The following ATP9B variants were observed in gnomAD, a reference collection of about 807,000 sequenced individuals.
The protein encoded by ATP9B is ATPase phospholipid transporting 9B.
ATP9B carries 110 observed loss-of-function variants against 146.1 expected under a neutral mutation model. The observed-to-expected ratio is 0.75, with a 90% CI of 0.65 to 0.88. The LOEUF (loss-of-function observed/expected upper bound fraction) is 0.88. ATP9B is among the 40% of genes least tolerant of loss of function. The pLI, the probability that ATP9B is intolerant of heterozygous loss-of-function variation, is 0.00. For synonymous variants in ATP9B, 604 were observed against 569.7 expected (o/e 1.06, Z -0.86); for missense variants, 1,499 against 1,496.4 (o/e 1.00, Z -0.03).
At chr18:79,279,581 G>A (rs2096354383) in intron 13 of ATP9B, among the ~76,000 whole-genome samples, 1 of 152,268 alleles carries the variant, frequency 6.6e-6, no homozygotes, top group Admixed American at 6.5e-5. Flanking sequence ...AAATTCAGCA[G>A]CAATTCTGTA....
chr18:79,279,365 C>G (rs558761690), intron 13 of ATP9B, among the ~76,000 whole-genome samples: 2 of 152,260 alleles, frequency 1.3e-5, no homozygotes, highest in Non-Finnish European at 2.9e-5. Context: ...CAGAAGAAAC[C>G]CACCCCAGCT....
At chr18:79,069,600 G>A in intron 1 of ATP9B, 71 bp downstream of exon 1, 3 of 1,027,848 alleles carry the variant, frequency 2.9e-6, no homozygotes, top group South Asian at 6.1e-5. Flanking sequence ...GCAGGAACCC[G>A]GAGCCGGGCG....
intron 10 of ATP9B, among the ~76,000 whole-genome samples, chr18:79,212,158 A>G (rs564404663): frequency 8.5e-5 from 13 of 152,334 alleles, no homozygotes; most frequent in African/African-American, 2.9e-4. Flanking sequence ...AATGTCCCAA[A>G]TATTTCTGCA....
intron 15 of ATP9B, among the ~76,000 whole-genome samples, chr18:79,327,855 C>CGTGGTT (rs1568701100): frequency 2.2e-5 from 1 of 44,960 alleles, no homozygotes; most frequent in African/African-American, 8.1e-5. Flanking sequence ...GCGTGCTCTC[C>CGTGGTT]ATGGTTAGCG....
intron 7 of ATP9B, among the ~76,000 whole-genome samples, chr18:79,170,857 A>G (rs1318071163): frequency 6.6e-6 from 1 of 152,218 alleles, no homozygotes; most frequent in African/African-American, 2.4e-5. Context: ...TATTCAGTTT[A>G]TTAAGTTGTA....
chr18:79,333,523 A>T (rs2096802925), intron 17 of ATP9B, among the ~76,000 whole-genome samples: 1 of 152,226 alleles, frequency 6.6e-6, no homozygotes, highest in South Asian at 2.1e-4. Flanking sequence ...TCACATTTTT[A>T]AAGTTTTAAA....
At chr18:79,129,378 C>T (rs1469111665) in intron 5 of ATP9B, among the ~76,000 whole-genome samples, 1 of 152,108 alleles carries the variant, frequency 6.6e-6, no homozygotes, top group Non-Finnish European at 1.5e-5. Context: ...AGGCTCAGTG[C>T]AAGAAGGAAG....
intron 20 of ATP9B, chr18:79,343,543 C>G (rs1476179201): frequency 6.6e-6 from 1 of 152,104 alleles, no homozygotes; most frequent in African/African-American, 2.4e-5. Context: ...TGGGTAAAAA[C>G]TAAACTAATG....
At chr18:79,121,151 A>G (rs539121423) in intron 4 of ATP9B, among the ~76,000 whole-genome samples, 8 of 152,230 alleles carry the variant, frequency 5.3e-5, no homozygotes, top group Non-Finnish European at 7.3e-5. Flanking sequence ...AAGCCCTCAA[A>G]GGCACATCAA....
At chr18:79,087,342 C>T (rs765262590) in intron 1 of ATP9B, 6 of 152,222 alleles carry the variant, frequency 3.9e-5, no homozygotes, top group African/African-American at 1.4e-4. Flanking sequence ...AACATTTCAA[C>T]CGTAGCACCA....
intron 5 of ATP9B, among the ~76,000 whole-genome samples, chr18:79,127,076 A>G (rs1013593607): frequency 5.3e-5 from 8 of 152,248 alleles, no homozygotes; most frequent in African/African-American, 1.9e-4. Flanking sequence ...AAGTCTGTTT[A>G]AAAAGTTTGC....
At chr18:79,374,486 G>T (rs111779098) in intron 28 of ATP9B, among the ~76,000 whole-genome samples, 19 of 109,818 alleles carry the variant, frequency 1.7e-4, no homozygotes, top group East Asian at 3.3e-4. Flanking sequence ...TCCCCTGACA[G>T]GAGGCGCTGA....
intron 12 of ATP9B, among the ~76,000 whole-genome samples, chr18:79,270,546 T>G (rs566693304): frequency 9.3e-4 from 141 of 152,302 alleles, no homozygotes; most frequent in Non-Finnish European, 1.8e-3. Flanking sequence ...TTTATTCTTT[T>G]TTTCTCCTTT....
intron 13 of ATP9B, among the ~76,000 whole-genome samples, chr18:79,287,051 TTCA>T (rs1231600256): frequency 6.6e-6 from 1 of 152,222 alleles, no homozygotes; most frequent in Non-Finnish European, 1.5e-5. Context: ...TGCATCAGTG[TTCA>T]TCAAGGATAC....
chr18:79,177,508 G>T (rs1308848262), intron 8 of ATP9B, among the ~76,000 whole-genome samples: 1 of 151,926 alleles, frequency 6.6e-6, no homozygotes, highest in Non-Finnish European at 1.5e-5. Flanking sequence ...CTTTCAAAGT[G>T]CTGGGATTAC....
At chr18:79,276,251 A>T (rs1002094931) in intron 12 of ATP9B, among the ~76,000 whole-genome samples, 1 of 152,242 alleles carries the variant, frequency 6.6e-6, no homozygotes, top group Non-Finnish European at 1.5e-5. Context: ...TTCCAGGCCT[A>T]CAGGGTTCCA....
In ATP9B at chr18:79,253,416, G is replaced by A. The variant is rs373460415; in HGVS notation, c.1143G>A (p.Thr381=). ...TGGACCTTGAACTCAATCGGCTGAC[G>A]AAAGCGCTATTTTTGGCTTTAGTTG... ...GLLDLELNRL[T]KALFLALVAL... Residue 381 remains threonine, a synonymous_variant, in exon 12 of 30, where the codon ACG becomes ACA. Transcript: ENST00000426216. The A allele has an allele frequency of 1.2e-5, 20 of 1,612,406 alleles. No homozygotes were observed. In the Admixed American group the frequency reaches 1.5e-4, roughly 12 times the overall value.
chr18:79,137,072 A>G (rs1347916960), intron 5 of ATP9B, among the ~76,000 whole-genome samples: 3 of 152,234 alleles, frequency 2.0e-5, no homozygotes, highest in African/African-American at 7.2e-5. Flanking sequence ...GTGGAGACAC[A>G]GCCAAACCAT....
chr18:79,107,648 A>G (rs1331685999), intron 2 of ATP9B, among the ~76,000 whole-genome samples: 2 of 152,342 alleles, frequency 1.3e-5, no homozygotes, highest in East Asian at 3.9e-4. Flanking sequence ...ATTGTCTCCA[A>G]AACATGACTT....
Sources: allele counts gnomAD v4.1 joint callset (sites outside exome capture counted in the v4.1 genomes callset), GRCh38; gene constraint gnomAD v4.1.1; transcripts MANE v1.5; gene names NCBI Gene and HGNC (gene_info 2026-07-23, HGNC 2026-07-21).